The following CACNA2D3 variants were observed in gnomAD, a reference collection of about 807,000 sequenced individuals.
The protein encoded by CACNA2D3 is calcium voltage-gated channel auxiliary subunit alpha2delta 3.
CACNA2D3 carries 60 observed loss-of-function variants against 160.6 expected under a neutral mutation model. That is an observed-to-expected ratio of 0.37 (90% confidence interval 0.30 to 0.46). CACNA2D3 has a LOEUF of 0.46. Ranked by LOEUF, CACNA2D3 falls within the 20% of genes least tolerant of loss-of-function variation. CACNA2D3 has a pLI of 1.00. For synonymous variants in CACNA2D3, 558 were observed against 492.9 expected, an observed-to-expected ratio of 1.13 and a Z score of -1.75; for missense variants, 1,205 against 1,365.0, an observed-to-expected ratio of 0.88 and a Z score of 1.85.
intron 27 of CACNA2D3, among the ~76,000 whole-genome samples, chr3:54,940,849 A>G (rs776748173): frequency 2.0e-5 from 3 of 152,190 alleles, no homozygotes; most frequent in Non-Finnish European, 4.4e-5. Flanking sequence ...TTTATGGACA[A>G]TGAGTTCACC....
intron 2 of CACNA2D3, among the ~76,000 whole-genome samples, chr3:54,236,697 T>C (rs1559891598): frequency 6.6e-6 from 1 of 152,106 alleles, no homozygotes; most frequent in Admixed American, 6.5e-5. Flanking sequence ...CAAAGCTCGT[T>C]TGAAATACCA....
intron 4 of CACNA2D3, among the ~76,000 whole-genome samples, chr3:54,397,648 G>T (rs1476602323): frequency 4.8e-5 from 4 of 83,008 alleles, no homozygotes; most frequent in Non-Finnish European, 9.3e-5. Flanking sequence ...TCTTAATCCT[G>T]AGTTCTAGTT....
chr3:54,871,533 T>TG lies in CACNA2D3; in HGVS notation c.1627-5dup. On this transcript the variant is annotated splice_region_variant and splice_polypyrimidine_tract_variant and intron_variant, in intron 17 of 37. Transcript: ENST00000474759. ...TTTCTTTTCTTTTTCTTCTTCCCCTTGCTAGTACGAAGAAGGAAAAAAGCG... is the reference window on the plus strand; with the variant it reads ...TTTCTTTTCTTTTTCTTCTTCCCCTTGGCTAGTACGAAGAAGGAAAAAAGCG... The TG allele has an allele frequency of 7.5e-6, 12 of 1,607,848 alleles. No homozygotes were observed. The highest frequency in any genetic ancestry group is 1.0e-5 in the Non-Finnish European group (12 of 1,174,428).
At chr3:54,942,894 C>T (rs996682801) in intron 27 of CACNA2D3, among the ~76,000 whole-genome samples, 4 of 151,994 alleles carry the variant, frequency 2.6e-5, no homozygotes, top group African/African-American at 9.7e-5. Context: ...CGCGGTGGCA[C>T]GTGCCTGTAG....
At chr3:54,146,405 A>G (rs773076783) in intron 2 of CACNA2D3, among the ~76,000 whole-genome samples, 1 of 152,220 alleles carries the variant, frequency 6.6e-6, no homozygotes, top group African/African-American at 2.4e-5. Context: ...CCTTTTGGGA[A>G]CAATGCTGCT....
chr3:54,462,960 G>A (rs1470461657), intron 4 of CACNA2D3, among the ~76,000 whole-genome samples: 2 of 149,608 alleles, frequency 1.3e-5, no homozygotes, highest in Admixed American at 6.7e-5. Flanking sequence ...AGCTCTTTTA[G>A]GGCAGGCCTG....
intron 31 of CACNA2D3, among the ~76,000 whole-genome samples, chr3:54,993,390 GTA>G (rs1702784309): frequency 1.3e-5 from 2 of 152,164 alleles, no homozygotes; most frequent in Admixed American, 6.5e-5. Flanking sequence ...CCCCTTGTAA[GTA>G]ATGTAATACA....
At position 54,341,515 on chromosome 3, in the gene CACNA2D3, G is replaced by A. The variant is rs531203202; in HGVS notation, c.321+20957G>A. 2.0e-5 allele frequency among the ~76,000 whole-genome samples: 3 copies of A among 152,340 alleles called. No individual in the cohort carries two copies. In the South Asian group the frequency reaches 6.2e-4, roughly 32 times the overall value. On this transcript the variant is annotated intron_variant, in intron 3 of 37. Coordinates refer to ENST00000474759, the MANE Select transcript of CACNA2D3 (RefSeq NM_018398.3). ...TCCTCTGACCTGAAGGGGTCAGGAA[G>A]GTTGGTTCACCCTGGCATCTGGTGT...
chr3:54,531,228 A>C (rs1297953914), intron 5 of CACNA2D3, among the ~76,000 whole-genome samples: 1 of 152,230 alleles, frequency 6.6e-6, no homozygotes, highest in Non-Finnish European at 1.5e-5. Context: ...GGATTTTTAC[A>C]TACCTACTGA....
At chr3:54,903,895 T>C (rs541885445) in intron 27 of CACNA2D3, among the ~76,000 whole-genome samples, 1 of 152,376 alleles carries the variant, frequency 6.6e-6, no homozygotes, top group East Asian at 1.9e-4. Flanking sequence ...GCCCACTTTT[T>C]AATGGGGCTA....
chr3:54,464,519 G>T (rs1266239085), intron 4 of CACNA2D3, among the ~76,000 whole-genome samples: 2 of 152,214 alleles, frequency 1.3e-5, no homozygotes, highest in Non-Finnish European at 2.9e-5. Context: ...CTTGCAGTTT[G>T]ATCTCAGAGT....
rs941348099 is a variant in CACNA2D3, at chr3:54,724,223, C to T, written c.1168-28376C>T. On this transcript the variant is annotated intron_variant, in intron 11 of 37. Coordinates refer to ENST00000474759, the MANE Select transcript of CACNA2D3 (RefSeq NM_018398.3). ...AGTGCAGCAAGAAGAGCTAACTATC[C>T]TAAATATATATACACCCAATACAGG... 2.6e-5 allele frequency among the ~76,000 whole-genome samples: 4 copies of T among 152,230 alleles called. No individual in the cohort carries two copies. In the East Asian group the frequency reaches 7.7e-4, roughly 29 times the overall value.
At chr3:54,871,216 CACACA>C (rs1215023067) in intron 17 of CACNA2D3, among the ~76,000 whole-genome samples, 86 of 109,010 alleles carry the variant, frequency 7.9e-4, no homozygotes, top group Admixed American at 4.7e-3. Context: ...CACACACACA[CACACA>C]CACCCCCCAT....
intron 2 of CACNA2D3, among the ~76,000 whole-genome samples, chr3:54,137,076 G>A (rs1025674246): frequency 2.0e-5 from 3 of 152,076 alleles, no homozygotes; most frequent in East Asian, 1.9e-4. Context: ...TTACAAATCC[G>A]TGTGCGTGGA....
intron 13 of CACNA2D3, chr3:54,789,914 C>T (rs927236985): frequency 1.8e-5 from 9 of 507,016 alleles, no homozygotes; most frequent in Non-Finnish European, 3.6e-5. Context: ...AGAGCCCATT[C>T]CTCTGTTTTG....
At chr3:54,625,698 G>A (rs1005244706) in intron 9 of CACNA2D3, among the ~76,000 whole-genome samples, 2 of 152,130 alleles carry the variant, frequency 1.3e-5, no homozygotes, top group Non-Finnish European at 2.9e-5. Flanking sequence ...TTACCATGAA[G>A]AACCCACCCA....
chr3:54,728,700 A>G (rs1469190374), intron 11 of CACNA2D3, among the ~76,000 whole-genome samples: 2 of 152,212 alleles, frequency 1.3e-5, no homozygotes, highest in Non-Finnish European at 2.9e-5. Context: ...AATAGAATAC[A>G]GGCAAAGTAT....
chr3:54,243,237 G>T (rs1284033756), intron 2 of CACNA2D3, among the ~76,000 whole-genome samples: 3 of 152,242 alleles, frequency 2.0e-5, no homozygotes, highest in Non-Finnish European at 4.4e-5. Flanking sequence ...ACAAGGGGTG[G>T]TGTGGGAGAC....
chr3:54,788,874 A>G (rs1282635770), intron 13 of CACNA2D3, among the ~76,000 whole-genome samples: 1 of 152,216 alleles, frequency 6.6e-6, no homozygotes. Flanking sequence ...AAGTATTCTT[A>G]GGTATTCATT....
Sources: allele counts gnomAD v4.1 joint callset (sites outside exome capture counted in the v4.1 genomes callset), GRCh38; gene constraint gnomAD v4.1.1; transcripts MANE v1.5; gene names NCBI Gene and HGNC (gene_info 2026-07-23, HGNC 2026-07-21).